CRB1: variants seen among roughly 807,000 people sequenced by gnomAD.
CRB1 encodes crumbs cell polarity complex component 1.
CRB1 carries 83 observed loss-of-function variants against 120.0 expected under a neutral mutation model. The observed-to-expected ratio is 0.69, with a 90% CI of 0.58 to 0.83. The LOEUF is 0.83. Ranked by LOEUF, CRB1 falls within the 40% of genes least tolerant of loss-of-function variation. The pLI, the probability that CRB1 is intolerant of heterozygous loss-of-function variation, is 0.00. For missense variants in CRB1, 1,699 were observed against 1,687.6 expected, an observed-to-expected ratio of 1.01 and a Z score of -0.12; for synonymous variants, 625 against 612.5, an observed-to-expected ratio of 1.02 and a Z score of -0.30.
At chr1:197,244,559 G>T in the CRB1 span, among the ~76,000 whole-genome samples, 2 of 151,866 alleles carry the variant, frequency 1.3e-5, no homozygotes. Context: ...TACAGGTAGG[G>T]TGTAATTTCC....
intron 5 of CRB1, among the ~76,000 whole-genome samples, chr1:197,398,891 A>T (rs531258357): frequency 8.9e-5 from 7 of 78,566 alleles, no homozygotes; most frequent in African/African-American, 3.4e-4. Flanking sequence ...TCAGGAAATG[A>T]TTGTGTGTGT....
intron 1 of CRB1, among the ~76,000 whole-genome samples, chr1:197,287,161 AT>A (rs1222955029): frequency 6.6e-6 from 1 of 151,932 alleles, no homozygotes; most frequent in African/African-American, 2.4e-5. Flanking sequence ...ATAAAGTAAT[AT>A]GCTATATTTT....
At chr1:197,433,184 C>T (rs1399819555) in intron 8 of CRB1, among the ~76,000 whole-genome samples, 2 of 151,862 alleles carry the variant, frequency 1.3e-5, no homozygotes, top group African/African-American at 2.4e-5. Context: ...CCACAACTGG[C>T]TCAGATCATG....
At chr1:197,252,570 ATATATATATATATGTGTGTGTG>A in the CRB1 span, among the ~76,000 whole-genome samples, 10 of 48,630 alleles carry the variant, frequency 2.1e-4, no homozygotes, top group Non-Finnish European at 3.6e-4. Context: ...ATATATATAT[ATATATATATATATGTGTGTGTG>A]TGTGTGTGTG....
intron 11 of CRB1, among the ~76,000 whole-genome samples, chr1:197,473,683 G>A (rs563991609): frequency 1.3e-5 from 2 of 151,786 alleles, no homozygotes; most frequent in Non-Finnish European, 2.9e-5. Context: ...TCAGGAAAAG[G>A]TTATTCAAAA....
Position 197,355,497 on chromosome 1 carries a change from G to A in CRB1, c.989-1334G>A, listed in dbSNP as rs758813218. On this transcript the variant is annotated intron_variant, in intron 4 of 11. Coordinates refer to ENST00000367400, the MANE Select transcript of CRB1 (RefSeq NM_201253.3). The stretch of plus-strand genomic sequence containing the variant: ...CTGCTCAGGAGCCCTGGGGGATTGC[G>A]GGGGGCTCAGGCATGGCGGGCTGCA... Among the ~76,000 whole-genome samples, 5 of 152,200 alleles carry A rather than the reference G, an allele frequency of 3.3e-5. No homozygotes were observed. The South Asian group carries it at 6.2e-4, about 19-fold the overall frequency.
At chr1:197,319,174 A>T (rs1479622783) in intron 1 of CRB1, among the ~76,000 whole-genome samples, 2 of 147,992 alleles carry the variant, frequency 1.4e-5, no homozygotes, top group Non-Finnish European at 3.0e-5. Context: ...CTTTAAAAAT[A>T]GAAGTTTGGG....
intron 5 of CRB1, among the ~76,000 whole-genome samples, chr1:197,397,777 A>G (rs1046603840): frequency 6.6e-6 from 1 of 152,154 alleles, no homozygotes; most frequent in Admixed American, 6.5e-5. Context: ...GGGACAGTGA[A>G]GAGATGGAGT....
chr1:197,297,243 A>C (rs2125247704), intron 1 of CRB1, among the ~76,000 whole-genome samples: 1 of 151,902 alleles, frequency 6.6e-6, no homozygotes, highest in East Asian at 2.0e-4. Context: ...TCCCCTTCTA[A>C]TGATTTTCTT....
chr1:197,307,867 C>T (rs1457147290), intron 1 of CRB1, among the ~76,000 whole-genome samples: 8 of 152,276 alleles, frequency 5.3e-5, no homozygotes, highest in Non-Finnish European at 8.8e-5. Flanking sequence ...TTACTAGCTA[C>T]GTGACCTTGA....
chr1:197,414,919 T>C (rs1436239873), intron 5 of CRB1, among the ~76,000 whole-genome samples: 1 of 152,226 alleles, frequency 6.6e-6, no homozygotes, highest in African/African-American at 2.4e-5. Flanking sequence ...TAAATCGCTG[T>C]TTATCATTCT....
the CRB1 span, among the ~76,000 whole-genome samples, chr1:197,227,367 G>A: frequency 6.6e-6 from 1 of 152,114 alleles, no homozygotes; most frequent in Admixed American, 6.5e-5. Context: ...AATCCAGAAG[G>A]GTAGTCAAAT....
At chr1:197,459,853 GT>G (rs1368352208) in intron 11 of CRB1, among the ~76,000 whole-genome samples, 1 of 151,986 alleles carries the variant, frequency 6.6e-6, no homozygotes, top group Admixed American at 6.6e-5. Context: ...TAGACAGAAA[GT>G]TTTTCCTGAG....
chr1:197,246,401 G>T, the CRB1 span, among the ~76,000 whole-genome samples: 60 of 151,908 alleles, frequency 3.9e-4, no homozygotes, highest in African/African-American at 1.4e-3. Context: ...GGCATTTCTG[G>T]GTTGCTGGCT....
At chr1:197,334,616 C>T (rs1396543406) in intron 2 of CRB1, among the ~76,000 whole-genome samples, 2 of 152,150 alleles carry the variant, frequency 1.3e-5, no homozygotes, top group East Asian at 3.8e-4. Context: ...CCCACTGGAA[C>T]CTTGGTCTTG....
intron 4 of CRB1, among the ~76,000 whole-genome samples, chr1:197,351,788 C>T (rs1032102040): frequency 1.3e-5 from 2 of 152,098 alleles, no homozygotes; most frequent in Non-Finnish European, 2.9e-5. Context: ...GAAAAGGGCA[C>T]AGGTTTAGGA....
At chr1:197,227,447 G>A in the CRB1 span, among the ~76,000 whole-genome samples, 935 of 148,912 alleles carry the variant, frequency 6.3e-3, 13 homozygotes, top group African/African-American at 0.022. Context: ...GCTGGAGTGC[G>A]TGGCACGAAG....
In CRB1 at chr1:197,341,787, C is replaced by T. The variant is rs1367670765; in HGVS notation, c.653-2494C>T. ...TTATTCAATGAAACCACTTTCCACA[C>T]AATCCTCTTTGAAGAGTCCTTATCT... On this transcript the variant is annotated intron_variant, in intron 2 of 11. Coordinates refer to ENST00000367400, the MANE Select transcript of CRB1 (RefSeq NM_201253.3). 2.6e-5 allele frequency among the ~76,000 whole-genome samples: 4 copies of T among 152,128 alleles called. No individual in the cohort carries two copies. In the South Asian group the frequency reaches 6.2e-4, roughly 24 times the overall value.
intron 1 of CRB1, among the ~76,000 whole-genome samples, chr1:197,293,758 A>G (rs1656345740): frequency 1.3e-5 from 2 of 151,940 alleles, no homozygotes; most frequent in African/African-American, 4.8e-5. Context: ...AAATAATACC[A>G]CACATCTACA....
Sources: allele counts gnomAD v4.1 joint callset (sites outside exome capture counted in the v4.1 genomes callset), GRCh38; gene constraint gnomAD v4.1.1; transcripts MANE v1.5; gene names NCBI Gene and HGNC (gene_info 2026-07-23, HGNC 2026-07-21).